Variants in CTBP2 observed in about 807,000 individuals in gnomAD.
CTBP2 encodes C-terminal binding protein 2.
Under a neutral mutation model 80.3 loss-of-function variants are expected in CTBP2, and 30 were observed. That is an observed-to-expected ratio of 0.37 (90% CI 0.28 to 0.51). The LOEUF (loss-of-function observed/expected upper bound fraction) is 0.51. Ranked by LOEUF, CTBP2 falls within the 20% of genes least tolerant of loss-of-function variation. CTBP2 has a pLI of 0.93. For synonymous variants in CTBP2, 594 were observed against 587.4 expected (o/e 1.01, Z -0.16); for missense variants, 1,212 against 1,375.3 (o/e 0.88, Z 1.88).
In CTBP2 at chr10:125,127,344, G is replaced by A. The variant is rs74693664; in HGVS notation, c.-205-16251C>T. ...CTGTGTCACTGGAACCAACAGGCCT[G>A]CCTCAACCACTGTCCACCTGCACAT... is the stretch of plus-strand genomic sequence containing the variant. On this transcript the variant is annotated intron_variant, in intron 1 of 10. Transcript: ENST00000337195. Among the ~76,000 whole-genome samples the A allele has an allele frequency of 6.3e-3, 963 of 152,300 alleles. 14 individuals are homozygous for A. The highest frequency in any genetic ancestry group is 0.022 in the African/African-American group (901 of 41,566).
chr10:124,994,109 A>G, intron 5 of CTBP2, 124 bp from the exon 8 acceptor site: 1 of 1,331,278 alleles, frequency 7.5e-7, no homozygotes, highest in South Asian at 1.4e-5. Context: ...TGTGTGCTGC[A>G]GTTTGAGGGA....
chr10:125,103,265 C>A (rs1850923088), intron 2 of CTBP2, among the ~76,000 whole-genome samples: 1 of 152,182 alleles, frequency 6.6e-6, no homozygotes, highest in Non-Finnish European at 1.5e-5. Flanking sequence ...CCTGGCCCCA[C>A]TGCAGCCTGG....
chr10:125,132,484 T>TG (rs1856341475), intron 1 of CTBP2, among the ~76,000 whole-genome samples: 1 of 152,138 alleles, frequency 6.6e-6, no homozygotes, highest in Non-Finnish European at 1.5e-5. Context: ...TTGGGGGACT[T>TG]GGCAGCAGTC....
At chr10:125,085,944 G>A (rs1847903287) in intron 2 of CTBP2, among the ~76,000 whole-genome samples, 1 of 152,216 alleles carries the variant, frequency 6.6e-6, no homozygotes, top group Admixed American at 6.5e-5. Flanking sequence ...CAACCGCACT[G>A]GCTCCTGCCC....
At chr10:124,996,385 G>A (rs1396725337) in intron 4 of CTBP2, 1 of 152,226 alleles carries the variant, frequency 6.6e-6, no homozygotes, top group Non-Finnish European at 1.5e-5. Flanking sequence ...AAAGCTCTTA[G>A]CCCAGGATGG....
chr10:125,146,286 T>C (rs1182222094), intron 1 of CTBP2, among the ~76,000 whole-genome samples: 13 of 151,256 alleles, frequency 8.6e-5, no homozygotes, highest in East Asian at 3.9e-4. Context: ...AGTGAGATTT[T>C]TTTTTTTTTT....
At chr10:125,096,485 C>G (rs1209470930) in intron 2 of CTBP2, among the ~76,000 whole-genome samples, 1 of 152,172 alleles carries the variant, frequency 6.6e-6, no homozygotes, top group Non-Finnish European at 1.5e-5. Context: ...GACAACATCG[C>G]TACTCGACTA....
At chr10:125,072,509 G>C (rs554303114) in intron 2 of CTBP2, among the ~76,000 whole-genome samples, 1 of 151,604 alleles carries the variant, frequency 6.6e-6, no homozygotes, top group Non-Finnish European at 1.5e-5. Context: ...CCAGGTCCTC[G>C]GGAGACTGAG....
intron 2 of CTBP2, among the ~76,000 whole-genome samples, chr10:125,049,222 A>G (rs1354296612): frequency 1.3e-5 from 2 of 152,226 alleles, no homozygotes; most frequent in Non-Finnish European, 2.9e-5. Context: ...GGGCTGGTGT[A>G]GCCCACTAAT....
intron 1 of CTBP2, among the ~76,000 whole-genome samples, chr10:125,153,229 A>G (rs1404605990): frequency 2.6e-5 from 4 of 152,244 alleles, no homozygotes; most frequent in Non-Finnish European, 4.4e-5. Context: ...TTCCTGGGAC[A>G]TGGCTTTAAG....
intron 1 of CTBP2, among the ~76,000 whole-genome samples, chr10:125,157,575 C>CA (rs1373112627): frequency 5.9e-5 from 9 of 151,920 alleles, no homozygotes; most frequent in Non-Finnish European, 1.3e-4. Context: ...CCCTGGGGCA[C>CA]AAAAAACCAA....
intron 2 of CTBP2, among the ~76,000 whole-genome samples, chr10:125,048,328 C>T (rs921373936): frequency 1.3e-5 from 2 of 152,086 alleles, no homozygotes; most frequent in African/African-American, 2.4e-5. Flanking sequence ...ATTTCTATCC[C>T]AACTTAAGCT....
intron 1 of CTBP2, among the ~76,000 whole-genome samples, chr10:125,129,036 T>A (rs10901864): frequency 0.44 from 67,024 of 152,086 alleles, 15,922 homozygotes; most frequent in East Asian, 0.69. Context: ...GTGTGTGGCA[T>A]GAAAAAAGCT....
chr10:125,002,910 C>A (rs1284903464), intron 3 of CTBP2, 50 bp downstream of exon 5: 9 of 1,599,900 alleles, frequency 5.6e-6, no homozygotes, highest in Non-Finnish European at 6.8e-6. Flanking sequence ...CCGAGCAGGG[C>A]CCACAGAGCT....
chr10:125,098,680 G>GAC (rs1564913757), intron 2 of CTBP2, among the ~76,000 whole-genome samples: 20 of 132,350 alleles, frequency 1.5e-4, no homozygotes, highest in African/African-American at 5.9e-4. Context: ...GAGAGAGAGA[G>GAC]AGAGAGAGAG....
At chr10:125,081,683 T>C (rs1228025043) in intron 2 of CTBP2, among the ~76,000 whole-genome samples, 1 of 151,600 alleles carries the variant, frequency 6.6e-6, no homozygotes. Flanking sequence ...AAAAAAAAAA[T>C]AGACATGAAT....
At chr10:125,126,818 C>G (rs1361157231) in intron 1 of CTBP2, among the ~76,000 whole-genome samples, 1 of 152,216 alleles carries the variant, frequency 6.6e-6, no homozygotes, top group Non-Finnish European at 1.5e-5. Context: ...CACATACACA[C>G]ACATCCAAAA....
rs908597760 is a variant in CTBP2, at chr10:124,987,079, G to A, written c.*2439C>T. On this transcript the variant is annotated 3_prime_UTR_variant, in exon 9 of 9. Transcript: ENST00000309035. ...GTTCCATTTCCTAGGCTACAGACAGGAATGGGGCTCTAAATGGTTTTCATA... is the reference window on the plus strand; with the variant it reads ...GTTCCATTTCCTAGGCTACAGACAGAAATGGGGCTCTAAATGGTTTTCATA... 6.6e-6 allele frequency: 1 copy of A among 152,610 alleles called. No individual in the cohort carries two copies. The highest frequency in any genetic ancestry group is 2.4e-5 in the African/African-American group (1 of 41,432). 9.5% of individuals were successfully genotyped at this position (152,610 alleles called of 1,614,324 possible).
chr10:125,006,167 C>T (rs868247994), intron 1 of CTBP2, among the ~76,000 whole-genome samples: 10 of 152,162 alleles, frequency 6.6e-5, no homozygotes, highest in Non-Finnish European at 1.3e-4. Flanking sequence ...GCACGCAGAA[C>T]GTGGCTGAGG....
Sources: gnomAD v4.1 joint callset for allele counts (sites outside exome capture counted in the v4.1 genomes callset) on GRCh38, gnomAD v4.1.1 for gene constraint, MANE v1.5 for transcripts, NCBI Gene and HGNC (gene_info 2026-07-23, HGNC 2026-07-21) for gene names.